The following NPAT variants were observed in gnomAD, a reference collection of about 807,000 sequenced individuals.
NPAT encodes the protein nuclear protein, coactivator of histone transcription.
Under a neutral mutation model 130.7 loss-of-function variants are expected in NPAT, and 52 were observed. The ratio of observed to expected loss-of-function variants is 0.40; its 90% CI spans 0.32 to 0.50. The LOEUF is 0.50. Ranked by LOEUF, NPAT falls within the 20% of genes least tolerant of loss-of-function variation. NPAT has a pLI of 0.68. For synonymous variants in NPAT, 580 were observed against 584.8 expected, an observed-to-expected ratio of 0.99 and a Z score of 0.12; for missense variants, 1,687 against 1,662.6, an observed-to-expected ratio of 1.01 and a Z score of -0.26.
At chr11:108,163,237 G>A (rs935888202) in intron 15 of NPAT, among the ~76,000 whole-genome samples, 2 of 152,060 alleles carry the variant, frequency 1.3e-5, no homozygotes, top group East Asian at 1.9e-4. Flanking sequence ...ACGCTGCCAC[G>A]CCTGGCTAAT....
chr11:108,207,854 G>A (rs542750449), intron 1 of NPAT, among the ~76,000 whole-genome samples: 4 of 152,334 alleles, frequency 2.6e-5, no homozygotes, highest in East Asian at 1.9e-4. Context: ...CTGCTGCCCT[G>A]TGGAGCACAC....
chr11:108,187,750 A>AT (rs1246679133), intron 7 of NPAT, among the ~76,000 whole-genome samples: 2 of 152,180 alleles, frequency 1.3e-5, no homozygotes, highest in Non-Finnish European at 2.9e-5. Context: ...AGGACTTTAA[A>AT]TGTGTGTGGA....
At position 108,172,823 on chromosome 11, in the gene NPAT, C is replaced by CA; in HGVS notation, c.2160dup (p.Asp721Ter). On this transcript the variant is annotated frameshift_variant, in exon 13 of 18. Transcript: ENST00000278612. LOFTEE classifies it high-confidence loss of function. ...GAGTTGTTGCTAGAAGGTTTATCAT[C>CA]AGTATTTTGGGACTCAGGGTGAGAA... 6.2e-7 allele frequency: 1 copy of CA among 1,613,766 alleles called. No homozygotes were observed.
At chr11:108,218,723 T>C (rs549255194) in intron 1 of NPAT, among the ~76,000 whole-genome samples, 3 of 152,330 alleles carry the variant, frequency 2.0e-5, no homozygotes, top group Non-Finnish European at 4.4e-5. Context: ...TGCAGATGAG[T>C]ACTGAAGGAT....
At chr11:108,221,354 A>G (rs1305675037) in intron 1 of NPAT, among the ~76,000 whole-genome samples, 2 of 152,252 alleles carry the variant, frequency 1.3e-5, no homozygotes, top group East Asian at 3.8e-4. Flanking sequence ...TTAAGACTAT[A>G]GTTACCGAAA....
intron 1 of NPAT, among the ~76,000 whole-genome samples, chr11:108,200,945 C>T (rs1325477488): frequency 6.6e-6 from 1 of 152,226 alleles, no homozygotes; most frequent in South Asian, 2.1e-4. Flanking sequence ...TCCATCCAAC[C>T]AGACCACAAA....
intron 15 of NPAT, among the ~76,000 whole-genome samples, chr11:108,169,097 A>T (rs895456198): frequency 6.6e-6 from 1 of 152,222 alleles, no homozygotes; most frequent in South Asian, 2.1e-4. Context: ...ACATGACACT[A>T]TTGATACAAC....
In NPAT at chr11:108,197,311, G is replaced by T. The variant is rs757625069; in HGVS notation, c.147C>A (p.Ala49=). The T allele has an allele frequency of 1.3e-6, 2 of 1,588,826 alleles. No homozygotes were observed. Among genetic ancestry groups the T allele is most frequent in the Admixed American group, 3.3e-5 (2 of 59,972 alleles). Reference sequence around the variant, plus strand: ...GGAACAAATAACTCACCAGTAAGCAGGCTGGAATAAACCCTTCATCTGTAC... The same window carrying T: ...GGAACAAATAACTCACCAGTAAGCATGCTGGAATAAACCCTTCATCTGTAC... ...EHCTDEGFIP[A]CLLSLFGKNL... is the part of the protein sequence containing the mutation. The change falls in exon 2 of 18, where the codon GCC becomes GCA. Residue 49 remains alanine (A), a synonymous_variant. Transcript: ENST00000278612.
chr11:108,171,989 A>C (rs2077955752), intron 13 of NPAT: 1 of 566,044 alleles, frequency 1.8e-6, no homozygotes, highest in African/African-American at 1.9e-5. Context: ...AAAAAGAAAA[A>C]CCACTAAAGC....
intron 10 of NPAT, among the ~76,000 whole-genome samples, chr11:108,180,333 T>C (rs1423283848): frequency 6.6e-6 from 1 of 152,080 alleles, no homozygotes; most frequent in Non-Finnish European, 1.5e-5. Flanking sequence ...TCTCAAAAAA[T>C]AATGTAAGTC....
chr11:108,202,671 T>C (rs1379029631), intron 1 of NPAT, among the ~76,000 whole-genome samples: 1 of 152,210 alleles, frequency 6.6e-6, no homozygotes, highest in Non-Finnish European at 1.5e-5. Flanking sequence ...CTTGTGAGAC[T>C]TGCCTTAGAA....
chr11:108,196,158 T>C (rs2078217935), intron 2 of NPAT, among the ~76,000 whole-genome samples: 2 of 152,218 alleles, frequency 1.3e-5, no homozygotes, highest in South Asian at 2.1e-4. Context: ...TATGAGGTAT[T>C]TGTAGAGGTT....
rs577379288 is a variant in NPAT at position 108,221,102 on chromosome 11, A to G, written c.37+1398T>C. Among the ~76,000 whole-genome samples the G allele has an allele frequency of 3.3e-5, 5 of 152,286 alleles. No individual in the cohort carries two copies. The East Asian group carries it at 9.6e-4, about 29-fold the overall frequency. On this transcript the variant is annotated intron_variant, in intron 1 of 17. Coordinates refer to ENST00000278612, the MANE Select transcript of NPAT (RefSeq NM_002519.3). The stretch of plus-strand genomic sequence containing the variant: ...AATTAGAAAATGATACTGCTTTCTT[A>G]GGGCTTTCTTAACTAGGGGTGATTC...
intron 1 of NPAT, among the ~76,000 whole-genome samples, chr11:108,216,743 T>C (rs1441206312): frequency 1.3e-5 from 2 of 152,124 alleles, no homozygotes; most frequent in African/African-American, 2.4e-5. Flanking sequence ...AAAGCTAGAT[T>C]ACCTCTATAA....
intron 15 of NPAT, among the ~76,000 whole-genome samples, chr11:108,164,509 G>T (rs2077882814): frequency 6.6e-6 from 1 of 152,232 alleles, no homozygotes; most frequent in Non-Finnish European, 1.5e-5. Context: ...AGTGAATCCG[G>T]AAAGAAGACA....
At chr11:108,205,494 C>G (rs1322786149) in intron 1 of NPAT, among the ~76,000 whole-genome samples, 2 of 152,098 alleles carry the variant, frequency 1.3e-5, no homozygotes, top group East Asian at 1.9e-4. Context: ...TCTTGAACTC[C>G]TAGCCTCAAG....
At chr11:108,192,635 C>G (rs1411247101) in intron 3 of NPAT, among the ~76,000 whole-genome samples, 1 of 152,102 alleles carries the variant, frequency 6.6e-6, no homozygotes, top group African/African-American at 2.4e-5. Context: ...TGGCTTTAAA[C>G]AATCTCTCTC....
intron 4 of NPAT, 103 bp from the exon 5 acceptor site, chr11:108,190,603 G>T: frequency 1.0e-6 from 1 of 973,970 alleles, no homozygotes; most frequent in Non-Finnish European, 1.6e-6. Flanking sequence ...GAGGTAAAAG[G>T]CAAAAAATCT....
At chr11:108,180,762 G>A (rs148236323) in intron 10 of NPAT, among the ~76,000 whole-genome samples, 1 of 152,300 alleles carries the variant, frequency 6.6e-6, no homozygotes, top group East Asian at 1.9e-4. Flanking sequence ...GTTCATTGCA[G>A]CATTATTCAT....
Sources: gnomAD v4.1 joint callset for allele counts (sites outside exome capture counted in the v4.1 genomes callset) on GRCh38, gnomAD v4.1.1 for gene constraint, MANE v1.5 for transcripts, NCBI Gene and HGNC (gene_info 2026-07-23, HGNC 2026-07-21) for gene names.